Variants in KCTD8 observed in about 807,000 individuals in gnomAD.
KCTD8 encodes BTB/POZ domain-containing protein KCTD8.
A neutral mutation model predicts 31.5 loss-of-function variants in KCTD8; 27 were observed. That is an observed-to-expected ratio of 0.86 (90% CI 0.63 to 1.18). The LOEUF is 1.18. Ranked by LOEUF, KCTD8 falls within the 50% of genes most tolerant of loss-of-function variation. The pLI is 0.00. For synonymous variants in KCTD8, 290 were observed against 280.0 expected (o/e 1.04, Z -0.36); for missense variants, 658 against 647.7 (o/e 1.02, Z -0.17).
Position 44,174,750 on chromosome 4 carries a change from C to T in KCTD8, c.*40G>A. On this transcript the variant is annotated 3_prime_UTR_variant, in exon 2 of 2. Coordinates refer to ENST00000360029, the MANE Select transcript of KCTD8 (RefSeq NM_198353.3). ...AGTCAGGTGGTGACACTGTAGTAAA[C>T]ATTGAATGTCATCAAAATACTGCAG... is the stretch of plus-strand genomic sequence containing the variant. 1 of 1,463,454 alleles carries T rather than the reference C, an allele frequency of 6.8e-7. No individual in the cohort carries two copies. The highest frequency in any genetic ancestry group is 1.4e-5 in the African/African-American group (1 of 71,358). 90.7% of individuals were successfully genotyped at this position (1,463,454 alleles called of 1,614,324 possible). A position where few individuals can be genotyped will look rare whatever the true frequency, so the allele number is the denominator to read the frequency against.
intron 1 of KCTD8, among the ~76,000 whole-genome samples, chr4:44,302,086 T>C (rs1442427757): frequency 6.6e-6 from 1 of 152,192 alleles, no homozygotes; most frequent in African/African-American, 2.4e-5. Flanking sequence ...TATCTCTGTT[T>C]TGGTACCAGT....
At chr4:44,245,869 A>G (rs1430014829) in intron 1 of KCTD8, among the ~76,000 whole-genome samples, 1 of 152,038 alleles carries the variant, frequency 6.6e-6, no homozygotes, top group African/African-American at 2.4e-5. Flanking sequence ...AACAATTTGA[A>G]TAGAGATTCA....
intron 1 of KCTD8, among the ~76,000 whole-genome samples, chr4:44,441,419 T>C (rs1432509129): frequency 6.6e-6 from 1 of 152,128 alleles, no homozygotes; most frequent in African/African-American, 2.4e-5. Flanking sequence ...CAGCAAGACA[T>C]AAAGTATATA....
intron 1 of KCTD8, among the ~76,000 whole-genome samples, chr4:44,208,274 G>A (rs1437524238): frequency 6.6e-6 from 1 of 152,126 alleles, no homozygotes. Context: ...CAGTTTTACT[G>A]AGTCAATACC....
At chr4:44,432,322 C>G (rs1388563494) in intron 1 of KCTD8, among the ~76,000 whole-genome samples, 4 of 151,540 alleles carry the variant, frequency 2.6e-5, no homozygotes, top group Non-Finnish European at 5.9e-5. Flanking sequence ...TTGCTTCTTT[C>G]TAAATATGGT....
At chr4:44,220,612 C>G (rs1029263913) in intron 1 of KCTD8, among the ~76,000 whole-genome samples, 16 of 152,160 alleles carry the variant, frequency 1.1e-4, no homozygotes, top group African/African-American at 3.9e-4. Context: ...AGAGATGTAT[C>G]TTGCCACATT....
chr4:44,182,734 C>T (rs1197649203), intron 1 of KCTD8, among the ~76,000 whole-genome samples: 1 of 152,056 alleles, frequency 6.6e-6, no homozygotes, highest in African/African-American at 2.4e-5. Flanking sequence ...CACTATTGTC[C>T]TATGACCCTG....
intron 1 of KCTD8, among the ~76,000 whole-genome samples, chr4:44,323,498 C>CCT (rs1718354944): frequency 4.5e-5 from 4 of 88,464 alleles, no homozygotes; most frequent in Non-Finnish European, 2.5e-5. Context: ...CCATCCCCAC[C>CCT]CACCCCCCCC....
chr4:44,375,677 G>C (rs1368382179), intron 1 of KCTD8, among the ~76,000 whole-genome samples: 1 of 152,108 alleles, frequency 6.6e-6, no homozygotes, highest in East Asian at 1.9e-4. Context: ...GGAGTACTTT[G>C]AAATAATCTA....
At chr4:44,368,588 G>A (rs1468112467) in intron 1 of KCTD8, among the ~76,000 whole-genome samples, 1 of 152,016 alleles carries the variant, frequency 6.6e-6, no homozygotes, top group Non-Finnish European at 1.5e-5. Flanking sequence ...CTGACTGTTG[G>A]AATTAGTCAG....
intron 1 of KCTD8, among the ~76,000 whole-genome samples, chr4:44,323,429 G>T (rs1718351454): frequency 6.6e-6 from 1 of 151,560 alleles, no homozygotes; most frequent in African/African-American, 2.4e-5. Flanking sequence ...AGGAGGCAGA[G>T]GTTGCAGTGA....
chr4:44,217,414 C>T (rs867509862), intron 1 of KCTD8, among the ~76,000 whole-genome samples: 1 of 152,088 alleles, frequency 6.6e-6, no homozygotes, highest in African/African-American at 2.4e-5. Flanking sequence ...AAGAAAGAAA[C>T]ATTAGCACTC....
At chr4:44,182,162 G>C (rs1256073371) in intron 1 of KCTD8, among the ~76,000 whole-genome samples, 1 of 150,924 alleles carries the variant, frequency 6.6e-6, no homozygotes, top group Non-Finnish European at 1.5e-5. Context: ...CCGTCCGAGA[G>C]GGAGGTGGGG....
intron 1 of KCTD8, among the ~76,000 whole-genome samples, chr4:44,282,285 C>T (rs889396476): frequency 4.6e-5 from 7 of 152,006 alleles, no homozygotes; most frequent in Non-Finnish European, 1.5e-5. Context: ...TAATATTATA[C>T]CTGTTATAAT....
intron 1 of KCTD8, among the ~76,000 whole-genome samples, chr4:44,356,186 T>C (rs1719337358): frequency 6.6e-6 from 1 of 152,200 alleles, no homozygotes; most frequent in African/African-American, 2.4e-5. Context: ...GTATCTTTCA[T>C]CAAATGTCTT....
chr4:44,340,035 T>C (rs1007762858), intron 1 of KCTD8, among the ~76,000 whole-genome samples: 7 of 152,084 alleles, frequency 4.6e-5, no homozygotes, highest in South Asian at 2.1e-4. Context: ...AAGTGTTCAA[T>C]GTCATTAGTC....
chr4:44,344,434 C>T (rs377546398), intron 1 of KCTD8, among the ~76,000 whole-genome samples: 81 of 152,196 alleles, frequency 5.3e-4, no homozygotes, highest in African/African-American at 1.9e-3. Flanking sequence ...AATCCTCTTG[C>T]CTTAGCTTCC....
At chr4:44,438,317 G>T (rs1402461810) in intron 1 of KCTD8, among the ~76,000 whole-genome samples, 2 of 152,012 alleles carry the variant, frequency 1.3e-5, no homozygotes, top group East Asian at 3.9e-4. Context: ...CTGAAATTTT[G>T]GCCAAATGCC....
In KCTD8 at chr4:44,364,867, T is replaced by TA. The variant is rs34381881; in HGVS notation, c.961+82695dup. 7.5e-3 allele frequency among the ~76,000 whole-genome samples: 1,062 copies of TA among 141,870 alleles called. 5 individuals carry two copies. Among genetic ancestry groups the TA allele is most frequent in the Middle Eastern group, 0.014 (4 of 276 alleles). 93.1% of individuals were successfully genotyped at this position (141,870 alleles called of 152,430 possible). ...GGGAAAGGGAAAACTATAAAGCCAG[T>TA]AAAAAAAAAAAGTCAGTGGTTCTCC... On this transcript the variant is annotated intron_variant, in intron 1 of 1. Coordinates refer to ENST00000360029, the MANE Select transcript of KCTD8 (RefSeq NM_198353.3).
Sources: gnomAD v4.1 joint callset for allele counts (sites outside exome capture counted in the v4.1 genomes callset) on GRCh38, gnomAD v4.1.1 for gene constraint, MANE v1.5 for transcripts, NCBI Gene and HGNC (gene_info 2026-07-23, HGNC 2026-07-21) for gene names.